RBPJ: variants seen among roughly 807,000 people sequenced by gnomAD.
The protein encoded by RBPJ is recombining binding protein suppressor of hairless.
A neutral mutation model predicts 67.8 loss-of-function variants in RBPJ; 9 were observed. The ratio of observed to expected loss-of-function variants is 0.13; its 90% CI spans 0.08 to 0.23. The LOEUF (loss-of-function observed/expected upper bound fraction) is 0.23. RBPJ is among the 10% of genes least tolerant of loss of function. The pLI is 1.00. For missense variants in RBPJ, 305 were observed against 595.6 expected (o/e 0.51, Z 5.08); for synonymous variants, 198 against 203.3 (o/e 0.97, Z 0.22).
At chr4:26,406,991 C>G (rs3109837) in intron 3 of RBPJ, among the ~76,000 whole-genome samples, 10 of 152,132 alleles carry the variant, frequency 6.6e-5, no homozygotes, top group Non-Finnish European at 1.2e-4. Flanking sequence ...TTTCTACTTT[C>G]TACATACACT....
chr4:26,381,687 C>G (rs549762495), intron 1 of RBPJ, among the ~76,000 whole-genome samples: 36 of 152,200 alleles, frequency 2.4e-4, no homozygotes, highest in African/African-American at 8.7e-4. Context: ...TGTTTTCTTT[C>G]TTCCCACTAT....
upstream of RBPJ, chr4:26,320,812 C>T (rs1279795674): frequency 6.4e-7 from 1 of 1,558,258 alleles, no homozygotes; most frequent in Non-Finnish European, 8.7e-7. Context: ...GCTCCATCGC[C>T]TGGGTAGGTT....
At chr4:26,206,626 T>C (rs1718177925) in intron 1 of RBPJ, among the ~76,000 whole-genome samples, 1 of 152,162 alleles carries the variant, frequency 6.6e-6, no homozygotes, top group Non-Finnish European at 1.5e-5. Flanking sequence ...AAGACCAATA[T>C]TGATCTAGTC....
chr4:26,131,553 C>T, the RBPJ span, among the ~76,000 whole-genome samples: 1 of 152,118 alleles, frequency 6.6e-6, no homozygotes, highest in African/African-American at 2.4e-5. Context: ...AGGTCCTAAT[C>T]CCTGGAACCT....
chr4:26,270,082 G>C (rs1249589206), intron 1 of RBPJ, among the ~76,000 whole-genome samples: 1 of 151,660 alleles, frequency 6.6e-6, no homozygotes, highest in African/African-American at 2.4e-5. Context: ...AGGAGTTCAA[G>C]ACCAGTCCGG....
At chr4:26,123,295 A>C in the RBPJ span, among the ~76,000 whole-genome samples, 4 of 152,322 alleles carry the variant, frequency 2.6e-5, no homozygotes, top group Non-Finnish European at 4.4e-5. Flanking sequence ...AAAACATAGA[A>C]AGGTACAGCA....
chr4:26,337,025 G>T (rs1020221637), intron 1 of RBPJ, among the ~76,000 whole-genome samples: 1 of 152,054 alleles, frequency 6.6e-6, no homozygotes, highest in African/African-American at 2.4e-5. Context: ...GCCCATGGGC[G>T]ATCTCTGCTC....
chr4:26,324,889 G>GTGA (rs1449192901), intron 1 of RBPJ, among the ~76,000 whole-genome samples: 1 of 152,210 alleles, frequency 6.6e-6, no homozygotes, highest in Non-Finnish European at 1.5e-5. Flanking sequence ...TCTAAGCCAA[G>GTGA]TCTGTTAATA....
chr4:26,108,851 G>A, the RBPJ span, among the ~76,000 whole-genome samples: 1 of 152,180 alleles, frequency 6.6e-6, no homozygotes, highest in African/African-American at 2.4e-5. Flanking sequence ...TGCACACAGT[G>A]TGTAACCTGT....
intron 1 of RBPJ, among the ~76,000 whole-genome samples, chr4:26,202,685 A>C (rs1011479744): frequency 7.9e-5 from 12 of 152,030 alleles, no homozygotes; most frequent in Admixed American, 2.0e-4. Flanking sequence ...AAGGGGACAG[A>C]TCTCTTGAGG....
the RBPJ span, among the ~76,000 whole-genome samples, chr4:26,145,850 CA>C: frequency 1.3e-5 from 2 of 152,108 alleles, no homozygotes; most frequent in South Asian, 4.1e-4. Flanking sequence ...CAAATGATAC[CA>C]AAGAAAATCA....
intron 1 of RBPJ, among the ~76,000 whole-genome samples, chr4:26,201,709 A>T (rs1198250049): frequency 6.6e-6 from 1 of 152,226 alleles, no homozygotes; most frequent in Non-Finnish European, 1.5e-5. Context: ...CCTGCAGTGC[A>T]AACAGGCTAT....
At chr4:26,414,429 A>G (rs1560336718) in intron 3 of RBPJ, among the ~76,000 whole-genome samples, 1 of 152,172 alleles carries the variant, frequency 6.6e-6, no homozygotes, top group Non-Finnish European at 1.5e-5. Flanking sequence ...TCTGCCTCCC[A>G]AAGTGTTAGG....
At chr4:26,122,471 G>A in the RBPJ span, among the ~76,000 whole-genome samples, 1 of 152,194 alleles carries the variant, frequency 6.6e-6, no homozygotes, top group African/African-American at 2.4e-5. Context: ...TTCAAATAGG[G>A]CAGACTCTGG....
intron 1 of RBPJ, among the ~76,000 whole-genome samples, chr4:26,304,831 A>G (rs1008557715): frequency 6.6e-6 from 1 of 151,660 alleles, no homozygotes; most frequent in Non-Finnish European, 1.5e-5. Flanking sequence ...TTTGAAGCAC[A>G]AAAGTTTTAA....
At chr4:26,204,668 C>T (rs748163915) in intron 1 of RBPJ, among the ~76,000 whole-genome samples, 7 of 152,240 alleles carry the variant, frequency 4.6e-5, no homozygotes, top group Non-Finnish European at 1.0e-4. Flanking sequence ...GTGGGACACA[C>T]GAGGGGAATC....
chr4:26,114,352 A>C, the RBPJ span, among the ~76,000 whole-genome samples: 2 of 151,500 alleles, frequency 1.3e-5, no homozygotes, highest in Admixed American at 1.3e-4. Flanking sequence ...CCAGCTACTC[A>C]AGAGGCTGAG....
chr4:26,228,675 G>A (rs1027047419), intron 1 of RBPJ, among the ~76,000 whole-genome samples: 1 of 152,228 alleles, frequency 6.6e-6, no homozygotes, highest in Non-Finnish European at 1.5e-5. Flanking sequence ...AAACTGAAAT[G>A]AAATTGGACA....
At chr4:26,337,774 C>T (rs1412256330) in intron 1 of RBPJ, among the ~76,000 whole-genome samples, 2 of 146,128 alleles carry the variant, frequency 1.4e-5, no homozygotes, top group Non-Finnish European at 3.0e-5. Context: ...GCAGCCTCAA[C>T]TTCATCGGCT....
Sources: gnomAD v4.1 joint callset for allele counts (sites outside exome capture counted in the v4.1 genomes callset) on GRCh38, gnomAD v4.1.1 for gene constraint, MANE v1.5 for transcripts, NCBI Gene and HGNC (gene_info 2026-07-23, HGNC 2026-07-21) for gene names.